The following TRIM16 variants were observed in gnomAD, a reference collection of about 807,000 sequenced individuals.
TRIM16 encodes tripartite motif-containing protein 16.
In TRIM16, 33 loss-of-function variants were observed where a neutral mutation model predicts 50.4. The observed-to-expected ratio is 0.65, with a 90% CI of 0.50 to 0.88. The LOEUF is 0.88. Ranked by LOEUF, TRIM16 falls within the 40% of genes least tolerant of loss-of-function variation. TRIM16 has a pLI of 0.00. For missense variants in TRIM16, 581 were observed against 686.8 expected (o/e 0.85, Z 1.72); for synonymous variants, 229 against 270.7 (o/e 0.85, Z 1.51).
Position 15,628,976 on chromosome 17 carries a change from G to T in TRIM16, c.1334C>A (p.Thr445Asn), listed in dbSNP as rs774822726. The change falls in exon 12 of 12, where the codon ACC (threonine) becomes AAC (asparagine). Residue 445 changes from threonine (T) to asparagine (N), a missense_variant. This residue lies in a region of TRIM16 where 450 missense variants were observed against 544.3 expected (regional missense o/e 0.83). Coordinates refer to ENST00000649191, the MANE Select transcript of TRIM16 (RefSeq NM_001348119.1). ...IFGAGTYVGL[T>N]CKGIDRKGEE... is the part of the protein sequence containing the mutation. ...CCCTTTCCGGTCGATGCCTTTGCAGGTCAGGCCAACATAGGTGCCTGCCCC... is the reference window on the plus strand; with the variant it reads ...CCCTTTCCGGTCGATGCCTTTGCAGTTCAGGCCAACATAGGTGCCTGCCCC... The T allele has an allele frequency of 4.3e-6, 7 of 1,614,016 alleles. No individual in the cohort carries two copies. The Admixed American group carries it at 1.0e-4, about 23-fold the overall frequency.
At chr17:15,681,502 A>G (rs1355505886) in intron 3 of TRIM16, among the ~76,000 whole-genome samples, 1 of 152,226 alleles carries the variant, frequency 6.6e-6, no homozygotes, top group Non-Finnish European at 1.5e-5. Flanking sequence ...CGTATCATTC[A>G]CCACTGCATC....
intron 9 of TRIM16, among the ~76,000 whole-genome samples, chr17:15,634,683 G>T (rs1229614206): frequency 6.8e-6 from 1 of 146,146 alleles, no homozygotes; most frequent in Non-Finnish European, 1.5e-5. Flanking sequence ...GTGGTGGCGG[G>T]TGCCTGTAAT....
chr17:15,673,844 C>T (rs1427811612), intron 6 of TRIM16, among the ~76,000 whole-genome samples: 1 of 152,166 alleles, frequency 6.6e-6, no homozygotes, highest in Non-Finnish European at 1.5e-5. Flanking sequence ...TAGTCTGATA[C>T]AAATTCATAT....
intron 4 of TRIM16, among the ~76,000 whole-genome samples, chr17:15,677,955 C>T (rs1028739872): frequency 3.0e-4 from 45 of 152,100 alleles, no homozygotes; most frequent in Non-Finnish European, 6.3e-4. Context: ...CAGTGGCTCA[C>T]GCCTGTAATC....
chr17:15,659,357 A>G (rs1988118004), intron 6 of TRIM16, among the ~76,000 whole-genome samples: 1 of 152,128 alleles, frequency 6.6e-6, no homozygotes, highest in South Asian at 2.1e-4. Context: ...CAGACCACCC[A>G]AGCTTACGGG....
At chr17:15,664,390 G>A (rs911280102) in intron 6 of TRIM16, among the ~76,000 whole-genome samples, 2 of 152,206 alleles carry the variant, frequency 1.3e-5, no homozygotes, top group African/African-American at 4.8e-5. Flanking sequence ...GTAAATATGA[G>A]AGCTGGAGGA....
chr17:15,640,185 G>C (rs901934074), intron 8 of TRIM16, among the ~76,000 whole-genome samples: 3 of 148,860 alleles, frequency 2.0e-5, no homozygotes, highest in Admixed American at 6.7e-5. Flanking sequence ...TCAAAATAGG[G>C]CCCAGGGTTG....
At position 15,628,912 on chromosome 17, in the gene TRIM16, G is replaced by C; in HGVS notation, c.1398C>G (p.Ser466=). ...RNSCISGNNF[S]WSLQWNGKEF... Reference sequence around the variant, plus strand: ...CCTTCCCGTTCCATTGGAGGCTCCAGGAGAAGTTGTTTCCGGAAATGCAAC... The same window carrying C: ...CCTTCCCGTTCCATTGGAGGCTCCACGAGAAGTTGTTTCCGGAAATGCAAC... Residue 466 remains serine (S), a synonymous_variant, in exon 12 of 12, where the codon TCC becomes TCG. Coordinates refer to ENST00000649191, the MANE Select transcript of TRIM16 (RefSeq NM_001348119.1). The C allele has an allele frequency of 6.2e-7, 1 of 1,614,234 alleles. No individual in the cohort carries two copies. The highest frequency in any genetic ancestry group is 8.5e-7 in the Non-Finnish European group (1 of 1,180,052).
intron 7 of TRIM16, among the ~76,000 whole-genome samples, chr17:15,645,147 T>A (rs1028813057): frequency 3.3e-5 from 5 of 152,204 alleles, no homozygotes; most frequent in African/African-American, 1.2e-4. Flanking sequence ...ATCTCTAAAC[T>A]TCCATTTCTT....
chr17:15,656,211 C>A (rs1567681209), intron 6 of TRIM16, among the ~76,000 whole-genome samples: 1 of 152,062 alleles, frequency 6.6e-6, no homozygotes, highest in African/African-American at 2.4e-5. Flanking sequence ...GTGACACATC[C>A]CATCAAGTCT....
chr17:15,637,052 A>G (rs1410799620), intron 8 of TRIM16, among the ~76,000 whole-genome samples: 10 of 143,524 alleles, frequency 7.0e-5, no homozygotes, highest in Admixed American at 2.0e-4. Flanking sequence ...TCCGCCCGGT[A>G]GCCACCCCAT....
chr17:15,678,155 C>T (rs955373042), intron 4 of TRIM16, among the ~76,000 whole-genome samples: 6 of 151,426 alleles, frequency 4.0e-5, no homozygotes, highest in African/African-American at 1.5e-4. Flanking sequence ...GGAGGCGAAG[C>T]TTGCAGTGAG....
At chr17:15,674,527 C>G (rs1223934039) in intron 6 of TRIM16, among the ~76,000 whole-genome samples, 1 of 152,156 alleles carries the variant, frequency 6.6e-6, no homozygotes, top group African/African-American at 2.4e-5. Flanking sequence ...CTCCCCCACA[C>G]TGCCCCACCG....
chr17:15,656,457 C>T (rs1049878681), intron 6 of TRIM16, among the ~76,000 whole-genome samples: 4 of 152,128 alleles, frequency 2.6e-5, no homozygotes, highest in Admixed American at 1.3e-4. Context: ...CCTCTCAACC[C>T]GTGTAGCTCC....
chr17:15,650,621 T>C (rs1228140410), intron 7 of TRIM16, among the ~76,000 whole-genome samples: 1 of 152,186 alleles, frequency 6.6e-6, no homozygotes, highest in African/African-American at 2.4e-5. Flanking sequence ...TACTGGTCTC[T>C]TGTTTGAGAA....
intron 6 of TRIM16, among the ~76,000 whole-genome samples, chr17:15,662,541 C>T (rs1049611066): frequency 6.6e-6 from 1 of 152,152 alleles, no homozygotes; most frequent in Non-Finnish European, 1.5e-5. Context: ...TAGTTGGACC[C>T]GCAGAACATG....
At chr17:15,665,031 CAAAAAA>C (rs10559243) in intron 6 of TRIM16, among the ~76,000 whole-genome samples, 7 of 75,820 alleles carry the variant, frequency 9.2e-5, no homozygotes, top group Admixed American at 1.5e-4. Flanking sequence ...GACTCCGTCT[CAAAAAA>C]AAAAAAAAAA....
intron 6 of TRIM16, among the ~76,000 whole-genome samples, chr17:15,665,031 CAAAAAAAAAAA>C (rs10559243): frequency 1.3e-5 from 1 of 75,820 alleles, no homozygotes; most frequent in Non-Finnish European, 2.6e-5. Context: ...GACTCCGTCT[CAAAAAAAAAAA>C]AAAAAAAAAA....
chr17:15,676,717 G>A (rs371233890), intron 6 of TRIM16, among the ~76,000 whole-genome samples: 9 of 152,170 alleles, frequency 5.9e-5, no homozygotes, highest in Admixed American at 5.2e-4. Context: ...TTATAGGCGT[G>A]AGCCACTGCG....
Sources: allele counts gnomAD v4.1 joint callset (sites outside exome capture counted in the v4.1 genomes callset), GRCh38; gene constraint gnomAD v4.1.1; regional missense constraint gnomAD v4.1.1; transcripts MANE v1.5; gene names NCBI Gene and HGNC (gene_info 2026-07-23, HGNC 2026-07-21).